Variants in SLC25A48 observed in about 807,000 individuals in gnomAD.
SLC25A48 encodes the protein CTC-321K16.1.
SLC25A48 carries 29 observed loss-of-function variants against 32.2 expected under a neutral mutation model. The ratio of observed to expected loss-of-function variants is 0.90; its 90% CI spans 0.67 to 1.23. SLC25A48 has a LOEUF of 1.23. SLC25A48 is among the 50% of genes most tolerant of loss of function. SLC25A48 has a pLI of 0.00. For missense variants in SLC25A48, 399 were observed against 422.7 expected, an observed-to-expected ratio of 0.94 and a Z score of 0.49; for synonymous variants, 164 against 172.3, an observed-to-expected ratio of 0.95 and a Z score of 0.38.
intron 3 of SLC25A48, among the ~76,000 whole-genome samples, chr5:135,786,043 G>A (rs2126627295): frequency 6.6e-6 from 1 of 151,700 alleles, no homozygotes. Flanking sequence ...TCCCCGTGGG[G>A]CTGGGGGTGG....
At chr5:135,618,275 C>A (rs981941738) in intron 1 of SLC25A48, among the ~76,000 whole-genome samples, 6 of 152,056 alleles carry the variant, frequency 3.9e-5, no homozygotes, top group Admixed American at 3.9e-4. Context: ...ATATCTTATT[C>A]CATTCCCTTA....
chr5:135,669,821 C>T (rs1237471444), intron 3 of SLC25A48, among the ~76,000 whole-genome samples: 1 of 152,158 alleles, frequency 6.6e-6, no homozygotes, highest in Non-Finnish European at 1.5e-5. Flanking sequence ...GTGCCCGAGG[C>T]TGAGGGATGA....
At position 135,872,163 on chromosome 5, in the gene SLC25A48, T is replaced by A. The variant is rs989961171; in HGVS notation, c.679+445T>A. On this transcript the variant is annotated intron_variant, in intron 5 of 7. Transcript: ENST00000681962. ...CAGGTCATACAGCTGGAGCTGACAG[T>A]ATAGCAGGACTCTGCAGTCAGAAAG... 3.6e-5 allele frequency: 10 copies of A among 274,402 alleles called. No homozygotes were observed. The African/African-American group carries it at 1.0e-3, about 28-fold the overall frequency. The allele number at this position is 274,402 out of a possible 1,614,324, so 17.0% of individuals were successfully genotyped here. A position where few individuals can be genotyped will look rare whatever the true frequency, so the allele number is the denominator to read the frequency against.
At chr5:135,701,618 G>A (rs1005439750) in intron 3 of SLC25A48, among the ~76,000 whole-genome samples, 3 of 152,136 alleles carry the variant, frequency 2.0e-5, no homozygotes, top group African/African-American at 4.8e-5. Flanking sequence ...AAAGAGACAG[G>A]CCCCAAAACT....
Position 135,868,501 on chromosome 5 carries a change from A to T in SLC25A48, c.422-2960A>T, listed in dbSNP as rs189057906. 8.1e-4 allele frequency among the ~76,000 whole-genome samples: 123 copies of T among 152,304 alleles called. 2 individuals are homozygous for T. The highest frequency in any genetic ancestry group is 1.2e-3 in the Non-Finnish European group (83 of 68,024). On this transcript the variant is annotated intron_variant, in intron 4 of 7. Transcript: ENST00000681962. ...AAGTATTGTCAAAGTAGCTATATGAAACTGGTAATTGTGCTATAGTTATAT... is the reference window on the plus strand; with the variant it reads ...AAGTATTGTCAAAGTAGCTATATGATACTGGTAATTGTGCTATAGTTATAT...
rs556251855 is a variant in SLC25A48 at position 135,846,369 on chromosome 5, G to A, written c.90+3910G>A. Reference sequence around the variant, plus strand: ...CCTCCTTCTCATGAACATCCCAGTGGGGGTTCTTGTTTTGCTTCAACATGC... The same window carrying A: ...CCTCCTTCTCATGAACATCCCAGTGAGGGTTCTTGTTTTGCTTCAACATGC... On this transcript the variant is annotated intron_variant, in intron 2 of 7. Coordinates refer to ENST00000681962, the MANE Select transcript of SLC25A48 (RefSeq NM_001349336.2). Among the ~76,000 whole-genome samples the A allele has an allele frequency of 2.6e-5, 4 of 152,296 alleles. No individual in the cohort carries two copies. The South Asian group carries it at 8.3e-4, about 32-fold the overall frequency.
rs148159074 is a variant in SLC25A48, at chr5:135,783,927, T to C, written c.-520-28596T>C. ...ATTATTCCCAATATTGCAAGGAGTGTACACTCCCCATGTGATATTGTTGCT... is the reference window on the plus strand; with the variant it reads ...ATTATTCCCAATATTGCAAGGAGTGCACACTCCCCATGTGATATTGTTGCT... On this transcript the variant is annotated intron_variant, in intron 3 of 10. Coordinates refer to the SLC25A48 transcript ENST00000646290. Among the ~76,000 whole-genome samples the C allele has an allele frequency of 5.7e-4, 68 of 118,386 alleles. 11 individuals carry two copies. In the East Asian group the frequency reaches 8.8e-3, roughly 15 times the overall value. The allele number at this position is 118,386 out of a possible 152,430, so 77.7% of individuals were successfully genotyped here.
chr5:135,806,683 TATC>T (rs562055058), intron 3 of SLC25A48, among the ~76,000 whole-genome samples: 32 of 150,464 alleles, frequency 2.1e-4, no homozygotes, highest in African/African-American at 5.8e-4. Flanking sequence ...ATATTATAAA[TATC>T]ATGGATATTT....
intron 3 of SLC25A48, among the ~76,000 whole-genome samples, chr5:135,761,598 A>G (rs1004784002): frequency 2.0e-5 from 3 of 152,234 alleles, no homozygotes; most frequent in Non-Finnish European, 4.4e-5. Flanking sequence ...GTTTAAAAAA[A>G]TGATCTACTC....
At chr5:135,852,316 G>T (rs1454217218) in intron 3 of SLC25A48, among the ~76,000 whole-genome samples, 2 of 152,176 alleles carry the variant, frequency 1.3e-5, no homozygotes, top group Admixed American at 1.3e-4. Flanking sequence ...CATGGCATGT[G>T]TGGGTTCCAG....
At chr5:135,773,370 G>A (rs556935899) in intron 3 of SLC25A48, among the ~76,000 whole-genome samples, 4 of 150,998 alleles carry the variant, frequency 2.6e-5, no homozygotes, top group Non-Finnish European at 5.9e-5. Context: ...ATATCATAGC[G>A]GGGTGTACAC....
At chr5:135,676,786 A>G (rs1383352151) in intron 3 of SLC25A48, among the ~76,000 whole-genome samples, 1 of 151,894 alleles carries the variant, frequency 6.6e-6, no homozygotes, top group African/African-American at 2.4e-5. Context: ...TCCTCTTAAT[A>G]TTGATTTCTA....
chr5:135,753,778 T>C (rs1444896613), intron 3 of SLC25A48, among the ~76,000 whole-genome samples: 1 of 151,822 alleles, frequency 6.6e-6, no homozygotes, highest in Non-Finnish European at 1.5e-5. Context: ...GTACACCCTG[T>C]AATATTAGCA....
At chr5:135,623,006 T>A (rs1716249420) in intron 1 of SLC25A48, among the ~76,000 whole-genome samples, 1 of 152,186 alleles carries the variant, frequency 6.6e-6, no homozygotes, top group Non-Finnish European at 1.5e-5. Flanking sequence ...TCAGAGCAGC[T>A]GAAACCCCTT....
Position 135,781,122 on chromosome 5 carries a change from AG to A in SLC25A48, c.-520-31396del, listed in dbSNP as rs1283307410. Among the ~76,000 whole-genome samples the A allele has an allele frequency of 1.7e-5, 2 of 116,436 alleles. 1 individual carries two copies. Among genetic ancestry groups the A allele is most frequent in the Non-Finnish European group, 4.2e-5 (2 of 47,098 alleles). The allele number at this position is 116,436 out of a possible 152,430, so 76.4% of individuals were successfully genotyped here. A position where few individuals can be genotyped will look rare whatever the true frequency, so the allele number is the denominator to read the frequency against. Reference sequence around the variant, plus strand: ...AGAATGTTAATACTTGCAACATTGCAGGGGGTGTATATCCCCCTGTGATATT... The same window carrying A: ...AGAATGTTAATACTTGCAACATTGCAGGGGTGTATATCCCCCTGTGATATT... On this transcript the variant is annotated intron_variant, in intron 3 of 10. Transcript: ENST00000646290.
chr5:135,782,770 T>C lies in SLC25A48; in HGVS notation c.-520-29753T>C, dbSNP rs1396222131. ...TAGTATCCATGGTGAGAAAGGATGA[T>C]AGTACTCCCAATATCCCTGGGCGTG... is the stretch of plus-strand genomic sequence containing the variant. On this transcript the variant is annotated intron_variant, in intron 3 of 10. Coordinates refer to the SLC25A48 transcript ENST00000646290. Among the ~76,000 whole-genome samples the C allele has an allele frequency of 2.0e-4, 24 of 118,854 alleles. 6 individuals carry two copies. In the East Asian group the frequency reaches 4.2e-3, roughly 21 times the overall value. The allele number at this position is 118,854 out of a possible 152,430, so 78.0% of individuals were successfully genotyped here.
chr5:135,653,969 G>C, intron 3 of SLC25A48: 1 of 455,552 alleles, frequency 2.2e-6, no homozygotes. Context: ...GGTGAGGGTA[G>C]CGGCAGGGCT....
chr5:135,752,071 C>G (rs1473691997), intron 3 of SLC25A48, among the ~76,000 whole-genome samples: 1 of 152,118 alleles, frequency 6.6e-6, no homozygotes, highest in Non-Finnish European at 1.5e-5. Context: ...AAAACTATAA[C>G]ATGTCCAGAA....
intron 3 of SLC25A48, among the ~76,000 whole-genome samples, chr5:135,705,687 G>A (rs1580800382): frequency 2.0e-5 from 3 of 152,170 alleles, no homozygotes; most frequent in Admixed American, 2.0e-4. Context: ...TTATATCTGG[G>A]CTCTGGCTCT....
Sources: gnomAD v4.1 joint callset for allele counts (sites outside exome capture counted in the v4.1 genomes callset) on GRCh38, gnomAD v4.1.1 for gene constraint, MANE v1.5 for transcripts, NCBI Gene and HGNC (gene_info 2026-07-23, HGNC 2026-07-21) for gene names.